Variants in WFDC1 observed in about 807,000 individuals in gnomAD.
The protein encoded by WFDC1 is WAP four-disulfide core domain 1.
WFDC1 carries 39 observed loss-of-function variants against 32.9 expected under a neutral mutation model. That is an observed-to-expected ratio of 1.19 (90% CI 0.92 to 1.55). WFDC1 has a LOEUF of 1.55. Among genes scored for constraint, WFDC1 ranks in the 40% most tolerant of loss-of-function variants. The pLI, the probability that WFDC1 is intolerant of heterozygous loss-of-function variation, is 0.00. For synonymous variants in WFDC1, 184 were observed against 137.4 expected (o/e 1.34, Z -2.37); for missense variants, 386 against 309.5 (o/e 1.25, Z -1.85).
chr16:84,296,686 A>T (rs540876476), intron 1 of WFDC1, among the ~76,000 whole-genome samples: 1 of 152,156 alleles, frequency 6.6e-6, no homozygotes. Flanking sequence ...AAAGAGTAGT[A>T]GAGTGACATG....
In WFDC1 at chr16:84,295,100, G is replaced by T; in HGVS notation, c.129G>T (p.Leu43=). ...GGAAACGGGCATTGCCTGCGAGGCT[G>T]GCCGAGAAATCCCGTGTAAGTGCCT... ...NIWKRALPAR[L]AEKSRAEEAG... Residue 43 remains leucine, a synonymous_variant, in exon 1 of 7, where the codon CTG becomes CTT. Transcript: ENST00000219454. The T allele has an allele frequency of 6.2e-7, 1 of 1,614,062 alleles. No individual in the cohort carries two copies.
chr16:84,318,345 G>A lies in WFDC1; in HGVS notation c.411G>A (p.Glu137=), dbSNP rs760968928. 1 of 1,614,072 alleles carries A rather than the reference G, an allele frequency of 6.2e-7. No individual in the cohort carries two copies. The highest frequency in any genetic ancestry group is 8.5e-7 in the Non-Finnish European group (1 of 1,179,956). The stretch of plus-strand genomic sequence containing the variant: ...GCTGGCTCCTGGATGGCCCTGAGGA[G>A]GTGTTACAAGGTACCTGCCGGGTAA... ...GNGWLLDGPE[E]VLQAEACSTT... Residue 137 remains glutamate, a synonymous_variant, in exon 3 of 7, where the codon GAG becomes GAA. Transcript: ENST00000219454.
At position 84,295,071 on chromosome 16, in the gene WFDC1, A is replaced by G; in HGVS notation, c.100A>G (p.Ile34Val). ...LLLHAGSAKN[I>V]WKRALPARLA... The stretch of plus-strand genomic sequence containing the variant: ...CCTCCACGCCGGCTCTGCCAAGAAT[A>G]TCTGGAAACGGGCATTGCCTGCGAG... Residue 34 changes from isoleucine (I) to valine (V), a missense_variant, in exon 1 of 7, where the codon ATC (isoleucine) becomes GTC (valine). By Grantham distance (29) the Ile-to-Val change is conservative. Coordinates refer to ENST00000219454, the MANE Select transcript of WFDC1 (RefSeq NM_021197.4). The G allele has an allele frequency of 6.2e-7, 1 of 1,614,168 alleles. No homozygotes were observed. The highest frequency in any genetic ancestry group is 8.5e-7 in the Non-Finnish European group (1 of 1,180,014).
At chr16:84,306,072 A>G (rs1282744842) in intron 1 of WFDC1, among the ~76,000 whole-genome samples, 1 of 151,910 alleles carries the variant, frequency 6.6e-6, no homozygotes, top group Non-Finnish European at 1.5e-5. Context: ...CAGGTGAACT[A>G]TGGATTAGCA....
chr16:84,319,411 A>G lies in WFDC1; in HGVS notation c.422-20A>G. 6.2e-7 allele frequency: 1 copy of G among 1,606,588 alleles called. No individual in the cohort carries two copies. The highest frequency in any genetic ancestry group is 8.5e-7 in the Non-Finnish European group (1 of 1,179,454). ...CCTGGGAGTCGGCCTTCTAGACCCCAGCGTGTGTCCCTCCTGCAGCAGAGG... is the reference window on the plus strand; with the variant it reads ...CCTGGGAGTCGGCCTTCTAGACCCCGGCGTGTGTCCCTCCTGCAGCAGAGG... On this transcript the variant is annotated intron_variant, in intron 3 of 6. Transcript: ENST00000219454.
intron 2 of WFDC1, among the ~76,000 whole-genome samples, chr16:84,314,165 A>G (rs1040321300): frequency 1.3e-5 from 2 of 152,244 alleles, no homozygotes; most frequent in Non-Finnish European, 2.9e-5. Context: ...TTGAATCACG[A>G]TGCCAACCTC....
intron 1 of WFDC1, among the ~76,000 whole-genome samples, chr16:84,303,700 C>A (rs1567652077): frequency 6.6e-6 from 1 of 152,114 alleles, no homozygotes; most frequent in Non-Finnish European, 1.5e-5. Context: ...GACAATTCAC[C>A]CTTTCAAAGG....
chr16:84,319,501 C>A lies in WFDC1; in HGVS notation c.492C>A (p.Ile164=), dbSNP rs1251199929. ...GTCCCTCGGGCTATGAGTGCCACATCCTGAGCCCAGGTGACGTGGCCGAAG... is the reference window on the plus strand; with the variant it reads ...GTCCCTCGGGCTATGAGTGCCACATACTGAGCCCAGGTGACGTGGCCGAAG... ...LLCPSGYECH[I]LSPGDVAEGI... Residue 164 remains isoleucine, a synonymous_variant, in exon 4 of 7, where the codon ATC becomes ATA. Transcript: ENST00000219454. 6.2e-7 allele frequency: 1 copy of A among 1,612,846 alleles called. No homozygotes were observed. The highest frequency in any genetic ancestry group is 1.3e-5 in the African/African-American group (1 of 74,894).
chr16:84,319,847 CTTCCTAT>C (rs1908203398), intron 4 of WFDC1, among the ~76,000 whole-genome samples: 2 of 152,336 alleles, frequency 1.3e-5, no homozygotes, highest in Admixed American at 1.3e-4. Flanking sequence ...GGGTTAATTT[CTTCCTAT>C]CTCTGAGCCT....
In WFDC1 at chr16:84,313,001, G is replaced by GAGCAGACC; in HGVS notation, c.186_193dup (p.Arg65GlnfsTer44). ...GCGCCCGGCGGCCCCCGGCAGCCCCGAGCAGACCGCTGCCCGCCGCCTCCG... is the reference window on the plus strand; with the variant it reads ...GCGCCCGGCGGCCCCCGGCAGCCCCGAGCAGACCAGCAGACCGCTGCCCGCCGCCTCCG... On this transcript the variant is annotated frameshift_variant, in exon 2 of 7. Coordinates refer to ENST00000219454, the MANE Select transcript of WFDC1 (RefSeq NM_021197.4). LOFTEE classifies it high-confidence loss of function. 7.9e-7 allele frequency: 1 copy of GAGCAGACC among 1,264,252 alleles called. No homozygotes were observed. The highest frequency in any genetic ancestry group is 3.4e-5 in the East Asian group (1 of 29,798). 78.3% of individuals were successfully genotyped at this position (1,264,252 alleles called of 1,614,324 possible).
rs954390313 is a variant in WFDC1, at chr16:84,319,488, A to G, written c.479A>G (p.Tyr160Cys). ...GAACCCCTGCTCTGTCCCTCGGGCTATGAGTGCCACATCCTGAGCCCAGGT... is the reference window on the plus strand; with the variant it reads ...GAACCCCTGCTCTGTCCCTCGGGCTGTGAGTGCCACATCCTGAGCCCAGGT... Reference protein sequence around the residue: ...GAEPLLCPSGYECHILSPGDV... With the variant: ...GAEPLLCPSGCECHILSPGDV... Residue 160 changes from tyrosine to cysteine, a missense_variant, in exon 4 of 7, where the codon TAT (tyrosine) becomes TGT (cysteine). Physicochemically the swap from Tyr to Cys is radical, Grantham distance 194. Transcript: ENST00000219454. The G allele has an allele frequency of 5.0e-6, 8 of 1,612,580 alleles. No individual in the cohort carries two copies. In the African/African-American group the frequency reaches 8.0e-5, roughly 16 times the overall value.
At chr16:84,315,293 C>T (rs895929155) in intron 2 of WFDC1, among the ~76,000 whole-genome samples, 5 of 152,170 alleles carry the variant, frequency 3.3e-5, no homozygotes, top group African/African-American at 1.2e-4. Context: ...ATTTTTAAAC[C>T]CTCCATCCCT....
At chr16:84,318,127 A>C (rs1460196488) in intron 2 of WFDC1, 145 bp from the exon 3 acceptor site, 1 of 715,832 alleles carries the variant, frequency 1.4e-6, no homozygotes, top group Non-Finnish European at 2.4e-6. Context: ...CTAAAAGCAA[A>C]GGGTGAAGGT....
chr16:84,324,825 C>T (rs895832836), intron 5 of WFDC1, among the ~76,000 whole-genome samples: 1 of 152,108 alleles, frequency 6.6e-6, no homozygotes, highest in Non-Finnish European at 1.5e-5. Flanking sequence ...TCCATTCATC[C>T]CTCCATCCAT....
Position 84,302,320 on chromosome 16 carries a change from G to T in WFDC1, c.144+7205G>T, listed in dbSNP as rs562407809. The stretch of plus-strand genomic sequence containing the variant: ...TGCACACATCGTAAGTCTAATTAAT[G>T]CCGCCAACTCGCACACTTAAGATGG... On this transcript the variant is annotated intron_variant, in intron 1 of 6. Transcript: ENST00000219454. Among the ~76,000 whole-genome samples the T allele has an allele frequency of 2.6e-5, 4 of 152,286 alleles. No homozygotes were observed. The South Asian group carries it at 8.3e-4, about 32-fold the overall frequency.
At chr16:84,318,228 C>A (rs373304396) in intron 2 of WFDC1, 44 bp from the exon 3 acceptor site, 12 of 1,605,232 alleles carry the variant, frequency 7.5e-6, no homozygotes, top group Non-Finnish European at 1.0e-5. Context: ...GGGCGTTTCT[C>A]AGCTGCTTGA....
chr16:84,312,376 T>A (rs938968600), intron 1 of WFDC1, among the ~76,000 whole-genome samples: 4 of 152,106 alleles, frequency 2.6e-5, no homozygotes, highest in African/African-American at 7.2e-5. Context: ...CTTGGCCTGT[T>A]TTTGAGCTGC....
intron 1 of WFDC1, among the ~76,000 whole-genome samples, chr16:84,305,179 C>T (rs2151369883): frequency 6.6e-6 from 1 of 152,362 alleles, no homozygotes; most frequent in South Asian, 2.1e-4. Flanking sequence ...AGCATTGGCA[C>T]ACAGTAAGAG....
chr16:84,327,056 G>A (rs12933776), intron 6 of WFDC1, 101 bp downstream of exon 6: 142,772 of 1,137,446 alleles, frequency 0.13, 9,488 homozygotes, highest in African/African-American at 0.21. Context: ...GGTGAGAGTA[G>A]CGCTTTCCCT....
Sources: allele counts gnomAD v4.1 joint callset (sites outside exome capture counted in the v4.1 genomes callset), GRCh38; gene constraint gnomAD v4.1.1; transcripts MANE v1.5; gene names NCBI Gene and HGNC (gene_info 2026-07-23, HGNC 2026-07-21).